The following TMEM132D variants were observed in gnomAD, a reference collection of about 807,000 sequenced individuals.
TMEM132D encodes transmembrane protein 132D, also known as mature OL transmembrane protein.
TMEM132D carries 21 observed loss-of-function variants against 62.3 expected under a neutral mutation model. That is an observed-to-expected ratio of 0.34 (90% CI 0.24 to 0.49). The LOEUF (loss-of-function observed/expected upper bound fraction) is 0.49. TMEM132D is among the 20% of genes least tolerant of loss of function. The pLI, the probability that TMEM132D is intolerant of heterozygous loss-of-function variation, is 0.99. For synonymous variants in TMEM132D, 621 were observed against 575.6 expected (o/e 1.08, Z -1.13); for missense variants, 1,346 against 1,402.8 (o/e 0.96, Z 0.65).
intron 1 of TMEM132D, among the ~76,000 whole-genome samples, chr12:129,822,918 C>T (rs770382658): frequency 6.6e-6 from 1 of 152,148 alleles, no homozygotes; most frequent in Non-Finnish European, 1.5e-5. Flanking sequence ...CTCTGCGTTC[C>T]CACTTGGATC....
rs1870610184 is a variant in TMEM132D at position 129,371,726 on chromosome 12, G to A, written c.1116-33909C>T. Among the ~76,000 whole-genome samples the A allele has an allele frequency of 6.6e-6, 1 of 152,044 alleles. No homozygotes were observed. The highest frequency in any genetic ancestry group is 2.4e-5 in the African/African-American group (1 of 41,406). On this transcript the variant is annotated intron_variant, in intron 3 of 8. Coordinates refer to ENST00000422113, the MANE Select transcript of TMEM132D (RefSeq NM_133448.3). This position sits in a 1 kb window ranked among gnomAD's most constrained non-coding sequence, Gnocchi z 4.3. ...TGATAGTGATGGTGATGATGATGGG[G>A]TGTTTAGAACTGGAAAACATGGAAG...
At chr12:129,799,692 G>A (rs1347475230) in intron 1 of TMEM132D, among the ~76,000 whole-genome samples, 1 of 152,240 alleles carries the variant, frequency 6.6e-6, no homozygotes, top group East Asian at 1.9e-4. Flanking sequence ...GTTAGTACCT[G>A]TGTTTTCCAT....
chr12:129,149,437 C>T (rs912433362), intron 5 of TMEM132D, among the ~76,000 whole-genome samples: 2 of 152,138 alleles, frequency 1.3e-5, no homozygotes, highest in Non-Finnish European at 2.9e-5. Flanking sequence ...CTTTCTGTCC[C>T]TGAAACAAAA....
chr12:129,575,271 A>G (rs1877629195), intron 2 of TMEM132D, among the ~76,000 whole-genome samples: 1 of 151,838 alleles, frequency 6.6e-6, no homozygotes, highest in Admixed American at 6.6e-5. Flanking sequence ...ACCCATCAAC[A>G]GTAGGCTATT....
chr12:129,081,840 C>A lies in TMEM132D; in HGVS notation c.1842G>T (p.Met614Ile), dbSNP rs2135616067. ...VDITELINDF[M>I]QVEEPRIAKL... ...TGGCGATCCTGGGCTCCTCCACCTG[C>A]ATGAAGTCATTTATCAGCTCCGTGA... Residue 614 changes from methionine (M) to isoleucine (I), a missense_variant, in exon 7 of 9, where the codon ATG (methionine) becomes ATT (isoleucine). By Grantham distance (10) the Met-to-Ile change is conservative. Coordinates refer to ENST00000422113, the MANE Select transcript of TMEM132D (RefSeq NM_133448.3). 1.9e-6 allele frequency: 3 copies of A among 1,613,926 alleles called. No homozygotes were observed. Among genetic ancestry groups the A allele is most frequent in the Non-Finnish European group, 2.5e-6 (3 of 1,180,014 alleles).
chr12:129,279,761 G>T (rs1205696010), intron 4 of TMEM132D, among the ~76,000 whole-genome samples: 1 of 152,128 alleles, frequency 6.6e-6, no homozygotes, highest in Non-Finnish European at 1.5e-5. Flanking sequence ...GCACAACTTA[G>T]AAAAATCAAG....
intron 1 of TMEM132D, among the ~76,000 whole-genome samples, chr12:129,771,077 A>G (rs1471724474): frequency 6.6e-6 from 1 of 152,210 alleles, no homozygotes; most frequent in East Asian, 1.9e-4. Flanking sequence ...CAGAGGGTGC[A>G]GCCCGCACTC....
At chr12:129,507,284 C>A (rs1224815374) in intron 3 of TMEM132D, among the ~76,000 whole-genome samples, 1 of 152,070 alleles carries the variant, frequency 6.6e-6, no homozygotes, top group Non-Finnish European at 1.5e-5. Context: ...AGTACAAACA[C>A]TATGCAAAAA....
At chr12:129,150,008 G>T (rs1256487216) in intron 5 of TMEM132D, among the ~76,000 whole-genome samples, 1 of 152,224 alleles carries the variant, frequency 6.6e-6, no homozygotes, top group African/African-American at 2.4e-5. Context: ...AACAATGACT[G>T]ACGTATTCAT....
At position 129,700,571 on chromosome 12, in the gene TMEM132D, G is replaced by A. The variant is rs1430772059; in HGVS notation, c.207C>T (p.Ile69=). Residue 69 remains isoleucine, a synonymous_variant, in exon 2 of 9, where the codon ATC becomes ATT. Transcript: ENST00000422113. ...GGGACTGCAGGCTGGAGTTCCTCAT[G>A]ATATCCTGGTTGGCCTCCTTCAGGA... ...SFFLKEANQD[I]MRNSSLQSRV... is the part of the protein sequence containing the mutation. 6.2e-7 allele frequency: 1 copy of A among 1,613,930 alleles called. No homozygotes were observed. The highest frequency in any genetic ancestry group is 1.7e-5 in the Admixed American group (1 of 59,994).
chr12:129,646,359 G>C (rs1301178215), intron 2 of TMEM132D, among the ~76,000 whole-genome samples: 1 of 152,114 alleles, frequency 6.6e-6, no homozygotes, highest in Non-Finnish European at 1.5e-5. Context: ...GGCAATGCTG[G>C]TAGGAATCAC....
intron 1 of TMEM132D, among the ~76,000 whole-genome samples, chr12:129,723,824 A>G (rs1869038): frequency 0.82 from 124,319 of 152,234 alleles, 51,456 homozygotes; most frequent in Non-Finnish European, 0.9. Context: ...CCATCCCTTG[A>G]TGACAAAGGT....
At chr12:129,342,861 C>G (rs1869541722) in intron 3 of TMEM132D, among the ~76,000 whole-genome samples, 2 of 152,298 alleles carry the variant, frequency 1.3e-5, no homozygotes, top group East Asian at 3.9e-4. Context: ...AAATGCAAAT[C>G]AAAACCACAA....
intron 5 of TMEM132D, among the ~76,000 whole-genome samples, chr12:129,098,859 G>T (rs566707114): frequency 2.0e-5 from 3 of 152,088 alleles, no homozygotes; most frequent in Non-Finnish European, 2.9e-5. Context: ...CAGCCTCAAG[G>T]TCTCTCTGAC....
intron 2 of TMEM132D, among the ~76,000 whole-genome samples, chr12:129,685,041 G>A (rs185117492): frequency 7.2e-5 from 11 of 152,266 alleles, no homozygotes; most frequent in Admixed American, 6.5e-4. Flanking sequence ...GTCTTGAATT[G>A]GAACTTATGT....
intron 4 of TMEM132D, among the ~76,000 whole-genome samples, chr12:129,244,301 GCGT>G (rs1880020202): frequency 6.6e-6 from 1 of 150,882 alleles, no homozygotes; most frequent in East Asian, 2.0e-4. Flanking sequence ...CAGGAGAATG[GCGT>G]GAGCCCGGGA....
chr12:129,585,482 G>A lies in TMEM132D; in HGVS notation c.969-54277C>T, dbSNP rs112346331. On this transcript the variant is annotated intron_variant, in intron 2 of 8. Coordinates refer to ENST00000422113, the MANE Select transcript of TMEM132D (RefSeq NM_133448.3). The stretch of plus-strand genomic sequence containing the variant: ...GAGCGCTGTCATTGGTTGGCTGCGT[G>A]TGGGCCGCGCGTTCCATGCGTTATT... 2.2e-3 allele frequency among the ~76,000 whole-genome samples: 331 copies of A among 152,354 alleles called. 5 individuals carry two copies. Among genetic ancestry groups the A allele is most frequent in the African/African-American group, 7.4e-3 (307 of 41,576 alleles).
At chr12:129,561,408 A>T (rs1372611935) in intron 2 of TMEM132D, among the ~76,000 whole-genome samples, 1 of 152,230 alleles carries the variant, frequency 6.6e-6, no homozygotes, top group Non-Finnish European at 1.5e-5. Context: ...AATTTCATTC[A>T]TGGAACGCTA....
At chr12:129,431,726 C>G (rs994861623) in intron 3 of TMEM132D, among the ~76,000 whole-genome samples, 3 of 152,182 alleles carry the variant, frequency 2.0e-5, no homozygotes, top group Non-Finnish European at 2.9e-5. Context: ...CCATGGGTTT[C>G]CCATCTCACT....
Sources: allele counts gnomAD v4.1 joint callset (sites outside exome capture counted in the v4.1 genomes callset), GRCh38; gene constraint gnomAD v4.1.1; non-coding constraint Gnocchi (gnomAD v3.1); transcripts MANE v1.5; gene names NCBI Gene and HGNC (gene_info 2026-07-23, HGNC 2026-07-21).